The following BRPF3 variants were observed in gnomAD, a reference collection of about 807,000 sequenced individuals.
The protein encoded by BRPF3 is bromodomain and PHD finger containing 3, also known as bromodomain and PHD finger-containing protein 3.
A neutral mutation model predicts 102.0 loss-of-function variants in BRPF3; 18 were observed. That is an observed-to-expected ratio of 0.18 (90% CI 0.12 to 0.26). The LOEUF (loss-of-function observed/expected upper bound fraction) is 0.26, where lower values mean the gene tolerates loss of function less well. Ranked by LOEUF, BRPF3 falls within the 10% of genes least tolerant of loss-of-function variation. The pLI is 1.00. For missense variants in BRPF3, 1,147 were observed against 1,567.8 expected (o/e 0.73, Z 4.53); for synonymous variants, 570 against 614.2 (o/e 0.93, Z 1.06).
intron 9 of BRPF3, among the ~76,000 whole-genome samples, chr6:36,221,440 C>A (rs550792337): frequency 6.6e-6 from 1 of 152,114 alleles, no homozygotes; most frequent in African/African-American, 2.4e-5. Flanking sequence ...ACACGTGCCA[C>A]CACGGCCAGC....
chr6:36,231,224 C>G lies in BRPF3; in HGVS notation c.*615C>G, dbSNP rs1260414201. 1 of 152,876 alleles carries G rather than the reference C, an allele frequency of 6.5e-6. No homozygotes were observed. Among genetic ancestry groups the G allele is most frequent in the East Asian group, 1.9e-4 (1 of 5,212 alleles). 9.5% of individuals were successfully genotyped at this position (152,876 alleles called of 1,614,324 possible). A position where few individuals can be genotyped will look rare whatever the true frequency, so the allele number is the denominator to read the frequency against. On this transcript the variant is annotated 3_prime_UTR_variant, in exon 13 of 13. Coordinates refer to ENST00000357641, the MANE Select transcript of BRPF3 (RefSeq NM_015695.3). ...TGGTCTTTTTCTTTAATGTCTCATT[C>G]CCCTTGAGGCCAGCTGCTATGCCAG...
chr6:36,201,724 C>T lies in BRPF3; in HGVS notation c.1402C>T (p.Pro468Ser). Residue 468 changes from proline (P) to serine (S), a missense_variant, in exon 2 of 13, where the codon CCC becomes TCC. By Grantham distance (74) the Pro-to-Ser change is moderately conservative (BLOSUM62 -1). Coordinates refer to ENST00000357641, the MANE Select transcript of BRPF3 (RefSeq NM_015695.3). The surrounding 1 kb of genome is among the most constrained non-coding windows in gnomAD (Gnocchi z 5.1). ...KEPEEAGQDT[P>S]STLPMLAVPQ... ...GCCAGAGGAAGCAGGCCAAGACACA[C>T]CCTCCACTCTCCCCATGCTTGCTGT... is the stretch of plus-strand genomic sequence containing the variant. 1 of 1,613,120 alleles carries T rather than the reference C, an allele frequency of 6.2e-7. No individual in the cohort carries two copies. The highest frequency in any genetic ancestry group is 8.5e-7 in the Non-Finnish European group (1 of 1,179,448).
intron 3 of BRPF3, among the ~76,000 whole-genome samples, chr6:36,206,587 A>G (rs1020474610): frequency 3.9e-5 from 6 of 152,080 alleles, no homozygotes; most frequent in African/African-American, 1.4e-4. Context: ...AAGAATCACT[A>G]ATTCTGCCTC....
chr6:36,206,599 A>G lies in BRPF3; in HGVS notation c.1606-714A>G, dbSNP rs147919288. ...GCAAAGAATCACTAATTCTGCCTCT[A>G]TATTTCTGCCCCTTTCATCCCTTTG... is the stretch of plus-strand genomic sequence containing the variant. On this transcript the variant is annotated intron_variant, in intron 3 of 12. Transcript: ENST00000357641. Among the ~76,000 whole-genome samples the G allele has an allele frequency of 2.6e-4, 39 of 152,232 alleles. 2 individuals are homozygous for G. In the East Asian group the frequency reaches 7.3e-3, roughly 29 times the overall value.
At chr6:36,216,124 G>A (rs1051894338) in intron 8 of BRPF3, among the ~76,000 whole-genome samples, 1 of 152,108 alleles carries the variant, frequency 6.6e-6, no homozygotes, top group African/African-American at 2.4e-5. Context: ...GCTGTGTAAC[G>A]ACAGGAAAAT....
At position 36,210,058 on chromosome 6, in the gene BRPF3, A is replaced by T. The variant is rs1425104046; in HGVS notation, c.1866+143A>T. 9 of 1,413,162 alleles carry T rather than the reference A, an allele frequency of 6.4e-6. No homozygotes were observed. Among genetic ancestry groups the T allele is most frequent in the Non-Finnish European group, 8.8e-6 (9 of 1,024,862 alleles). The allele number at this position is 1,413,162 out of a possible 1,614,324, so 87.5% of individuals were successfully genotyped here. ...GGCAAAGCTAGTAGACTTGCCCTTGATGAGGGGTCAGCAGGCCAGGGTGGG... is the reference window on the plus strand; with the variant it reads ...GGCAAAGCTAGTAGACTTGCCCTTGTTGAGGGGTCAGCAGGCCAGGGTGGG... On this transcript the variant is annotated intron_variant, in intron 5 of 12. Coordinates refer to ENST00000357641, the MANE Select transcript of BRPF3 (RefSeq NM_015695.3). This position sits in a 1 kb window ranked among gnomAD's most constrained non-coding sequence, Gnocchi z 4.7.
At chr6:36,207,244 G>A in intron 3 of BRPF3, 69 bp from the exon 4 acceptor site, 10 of 1,573,138 alleles carry the variant, frequency 6.4e-6, no homozygotes, top group Non-Finnish European at 8.7e-6. Flanking sequence ...GCAGCCCCGT[G>A]AGGCTTGAAC....
chr6:36,202,173 G>A (rs1767729682), intron 2 of BRPF3, among the ~76,000 whole-genome samples: 1 of 152,080 alleles, frequency 6.6e-6, no homozygotes, highest in South Asian at 2.1e-4. Flanking sequence ...TGGTCTTTGT[G>A]ACAAACTCAA....
chr6:36,205,077 C>A (rs1432221316), intron 3 of BRPF3, among the ~76,000 whole-genome samples: 2 of 152,134 alleles, frequency 1.3e-5, no homozygotes, highest in African/African-American at 2.4e-5. Flanking sequence ...TGGGGAAAAT[C>A]CTCTAGATGT....
At position 36,200,679 on chromosome 6, in the gene BRPF3, C is replaced by T; in HGVS notation, c.357C>T (p.Phe119=). The T allele has an allele frequency of 6.2e-7, 1 of 1,614,198 alleles. No homozygotes were observed. Among genetic ancestry groups the T allele is most frequent in the Non-Finnish European group, 8.5e-7 (1 of 1,180,040 alleles). Reference sequence around the variant, plus strand: ...CCTTCCACCTCCCACAGCCCAGCTTCCGTATGGTGGACTCAGGCATCCAGC... The same window carrying T: ...CCTTCCACCTCCCACAGCCCAGCTTTCGTATGGTGGACTCAGGCATCCAGC... The part of the protein sequence containing the change: ...GTSFHLPQPS[F]RMVDSGIQPE... The change falls in exon 2 of 13, where the codon TTC becomes TTT. Residue 119 remains phenylalanine, a synonymous_variant. Transcript: ENST00000357641. This position sits in a 1 kb window ranked among gnomAD's most constrained non-coding sequence, Gnocchi z 5.3.
rs1767687957 is a variant in BRPF3 at position 36,201,272 on chromosome 6, C to T, written c.950C>T (p.Pro317Leu). Residue 317 changes from proline (P) to leucine (L), a missense_variant, in exon 2 of 13, where the codon CCG becomes CTG. This residue lies in a region of BRPF3 where 44 missense variants were observed against 101.4 expected (regional missense o/e 0.43). Transcript: ENST00000357641. The surrounding 1 kb of genome is among the most constrained non-coding windows in gnomAD (Gnocchi z 5.1). ...LEPIEGIDNI[P>L]PARWKLTCYI... ...CCTATTGAGGGCATTGACAATATCCCGCCTGCCCGCTGGAAACTAACCTGC... is the reference window on the plus strand; with the variant it reads ...CCTATTGAGGGCATTGACAATATCCTGCCTGCCCGCTGGAAACTAACCTGC... The T allele has an allele frequency of 8.1e-6, 13 of 1,614,022 alleles. No homozygotes were observed. Among genetic ancestry groups the T allele is most frequent in the Non-Finnish European group, 1.1e-5 (13 of 1,180,042 alleles).
intron 9 of BRPF3, among the ~76,000 whole-genome samples, chr6:36,219,445 G>T (rs917604311): frequency 3.9e-5 from 6 of 152,192 alleles, no homozygotes; most frequent in African/African-American, 1.4e-4. Flanking sequence ...AGCCCACTTT[G>T]TTGGGGTCAG....
intron 7 of BRPF3, among the ~76,000 whole-genome samples, chr6:36,213,045 A>G (rs1035757119): frequency 4.6e-5 from 7 of 151,922 alleles, no homozygotes; most frequent in Admixed American, 2.0e-4. Context: ...CGTTTTTCAC[A>G]TTTGTGAACT....
chr6:36,225,479 GGGA>G, intron 11 of BRPF3, 115 bp downstream of exon 11: 2 of 946,580 alleles, frequency 2.1e-6, no homozygotes, highest in Non-Finnish European at 3.1e-6. Flanking sequence ...AGCTGTAGAG[GGGA>G]GGGGGGTTTT....
chr6:36,198,867 A>G (rs1767598410), intron 1 of BRPF3, among the ~76,000 whole-genome samples: 1 of 152,164 alleles, frequency 6.6e-6, no homozygotes, highest in South Asian at 2.1e-4. Flanking sequence ...GGAAACTAGG[A>G]CTTTCTCTTG....
At chr6:36,218,286 CTGT>C (rs1368421420) in intron 9 of BRPF3, among the ~76,000 whole-genome samples, 1 of 152,094 alleles carries the variant, frequency 6.6e-6, no homozygotes, top group East Asian at 1.9e-4. Flanking sequence ...GCTAAATCTC[CTGT>C]TGTTCAGTGA....
Position 36,200,167 on chromosome 6 carries a change from G to A in BRPF3, c.-26-130G>A, listed in dbSNP as rs1030581363. The A allele has an allele frequency of 3.5e-6, 4 of 1,150,182 alleles. No individual in the cohort carries two copies. In the African/African-American group the frequency reaches 6.2e-5, roughly 18 times the overall value. 71.2% of individuals were successfully genotyped at this position (1,150,182 alleles called of 1,614,324 possible). A position where few individuals can be genotyped will look rare whatever the true frequency, so the allele number is the denominator to read the frequency against. On this transcript the variant is annotated intron_variant, in intron 1 of 12. Transcript: ENST00000357641. The surrounding 1 kb of genome is among the most constrained non-coding windows in gnomAD (Gnocchi z 5.3). The stretch of plus-strand genomic sequence containing the variant: ...AAGGAAGTGAAGGAGCAAGCCATGT[G>A]GATGCCTGAGGGGCAAGTTGTTCAG...
chr6:36,202,412 C>CT (rs1038111516), intron 2 of BRPF3, among the ~76,000 whole-genome samples: 7 of 131,862 alleles, frequency 5.3e-5, no homozygotes, highest in South Asian at 5.6e-4. Context: ...CTCTGTGGAC[C>CT]CCCCCCCCCT....
chr6:36,231,911 C>A lies in BRPF3; in HGVS notation c.*1302C>A, dbSNP rs935994121. The A allele has an allele frequency of 2.0e-5, 3 of 152,638 alleles. No individual in the cohort carries two copies. The highest frequency in any genetic ancestry group is 7.2e-5 in the African/African-American group (3 of 41,454). The allele number at this position is 152,638 out of a possible 1,614,324, so 9.5% of individuals were successfully genotyped here. ...GACATTTCTTTTCACCTCCTGAGCA[C>A]CAAAGTCGCAGGGCCAGTTGCAGGC... On this transcript the variant is annotated 3_prime_UTR_variant, in exon 13 of 13. Transcript: ENST00000357641.
Sources: gnomAD v4.1 joint callset for allele counts (sites outside exome capture counted in the v4.1 genomes callset) on GRCh38, gnomAD v4.1.1 for gene constraint, gnomAD v4.1.1 regional missense constraint, Gnocchi (gnomAD v3.1) non-coding constraint, MANE v1.5 for transcripts, NCBI Gene and HGNC (gene_info 2026-07-23, HGNC 2026-07-21) for gene names.